The following FANCI variants were observed in gnomAD, a reference collection of about 807,000 sequenced individuals.
The protein encoded by FANCI is Fanconi anemia group I protein.
In FANCI, 156 loss-of-function variants were observed where a neutral mutation model predicts 176.1. The ratio of observed to expected loss-of-function variants is 0.89; its 90% CI spans 0.78 to 1.01. The LOEUF (loss-of-function observed/expected upper bound fraction) is 1.01. FANCI is among the 50% of genes least tolerant of loss of function. FANCI has a pLI of 0.00. For missense variants in FANCI, 1,678 were observed against 1,534.1 expected (o/e 1.09, Z -1.57); for synonymous variants, 613 against 541.7 (o/e 1.13, Z -1.83).
At chr15:89,295,584 C>A (rs925989520) in intron 24 of FANCI, among the ~76,000 whole-genome samples, 4 of 151,734 alleles carry the variant, frequency 2.6e-5, no homozygotes, top group African/African-American at 7.3e-5. Context: ...GAGAATTGCT[C>A]GAACCTGGGA....
chr15:89,261,676 T>C lies in FANCI; in HGVS notation c.380T>C (p.Leu127Ser). 6.2e-7 allele frequency: 1 copy of C among 1,614,182 alleles called. No individual in the cohort carries two copies. Among genetic ancestry groups the C allele is most frequent in the Non-Finnish European group, 8.5e-7 (1 of 1,180,020 alleles). Reference protein sequence around the residue: ...REGSLVNGKSLELLPIILTAL... With the variant: ...REGSLVNGKSSELLPIILTAL... ...GGCAGCCTAGTGAATGGAAAATCTT[T>C]GGAGTTACTACCTATCATTCTCACT... The change falls in exon 5 of 38, where the codon TTG (leucine) becomes TCG (serine). Residue 127 changes from leucine (L) to serine (S), a missense_variant. By Grantham distance (145) the Leu-to-Ser change is moderately radical. Around this residue, in one of 3 missense-constraint regions of FANCI, gnomAD observed 469 missense variants for 436.9 expected, o/e 1.07. Transcript: ENST00000310775.
intron 10 of FANCI, among the ~76,000 whole-genome samples, chr15:89,270,194 G>A (rs772467566): frequency 6.6e-6 from 1 of 152,126 alleles, no homozygotes; most frequent in Non-Finnish European, 1.5e-5. Context: ...CAGGTAGTGG[G>A]TTGGATTTGG....
At chr15:89,247,832 C>T (rs2052056595) in intron 2 of FANCI, 101 bp downstream of exon 2, 4 of 885,918 alleles carry the variant, frequency 4.5e-6, no homozygotes, top group South Asian at 2.7e-5. Context: ...TCTTCATCTA[C>T]TCCCCATTCA....
intron 14 of FANCI, among the ~76,000 whole-genome samples, chr15:89,279,786 A>G (rs1289820088): frequency 6.6e-6 from 1 of 151,638 alleles, no homozygotes; most frequent in Non-Finnish European, 1.5e-5. Context: ...TCTCCCTCAT[A>G]CTGTCATTGT....
intron 37 of FANCI, among the ~76,000 whole-genome samples, chr15:89,316,117 T>A (rs56189571): frequency 2.6e-5 from 4 of 152,344 alleles, no homozygotes; most frequent in Non-Finnish European, 4.4e-5. Context: ...TCATGTAGCA[T>A]TTTGATGTCA....
At chr15:89,306,277 T>G in intron 32 of FANCI, 83 bp downstream of exon 32, 1 of 1,374,104 alleles carries the variant, frequency 7.3e-7, no homozygotes, top group East Asian at 2.3e-5. Flanking sequence ...AGCCCACTGC[T>G]GCAGAATGCC....
intron 28 of FANCI, 76 bp downstream of exon 28, chr15:89,303,991 G>A (rs2054619160): frequency 1.4e-6 from 2 of 1,390,278 alleles, no homozygotes; most frequent in Admixed American, 3.4e-5. Flanking sequence ...AAAAGAAAAG[G>A]TATTCCCCAT....
In FANCI at chr15:89,285,363, A is replaced by G. The variant is rs971388535; in HGVS notation, c.1821+145A>G. 6.8e-6 allele frequency: 8 copies of G among 1,178,428 alleles called. No homozygotes were observed. The African/African-American group carries it at 1.2e-4, about 18-fold the overall frequency. The allele number at this position is 1,178,428 out of a possible 1,614,324, so 73.0% of individuals were successfully genotyped here. A position where few individuals can be genotyped will look rare whatever the true frequency, so the allele number is the denominator to read the frequency against. On this transcript the variant is annotated intron_variant, in intron 18 of 37. Transcript: ENST00000310775. ...AGTAGCTAGTGATGTTTAGTCAAAA[A>G]GTTGTTTAAGGCAGGGCACAGTGGC...
intron 11 of FANCI, 137 bp from the exon 12 acceptor site, chr15:89,274,031 T>C: frequency 1.5e-6 from 1 of 666,348 alleles, no homozygotes; most frequent in Non-Finnish European, 2.5e-6. Flanking sequence ...TGGCAGCTCA[T>C]AGGAACAGTT....
chr15:89,307,812 C>T (rs899121163), intron 34 of FANCI, 140 bp downstream of exon 34: 81 of 1,546,316 alleles, frequency 5.2e-5, no homozygotes, highest in Non-Finnish European at 6.7e-5. Flanking sequence ...CATCAGAGAC[C>T]AAGCCAAGGC....
chr15:89,268,495 A>G lies in FANCI; in HGVS notation c.852A>G (p.Glu284=). Reference sequence around the variant, plus strand: ...TGTTTGCCATCAAATTGGACTATGAACTAGGCAGAGAACTCGTGAAACACT... The same window carrying G: ...TGTTTGCCATCAAATTGGACTATGAGCTAGGCAGAGAACTCGTGAAACACT... ...HIVFAIKLDY[E]LGRELVKHLK... is the part of the protein sequence containing the mutation. The change falls in exon 10 of 38, where the codon GAA becomes GAG. Residue 284 remains glutamate (E), a synonymous_variant. Transcript: ENST00000310775. 6.2e-7 allele frequency: 1 copy of G among 1,614,192 alleles called. No homozygotes were observed. The highest frequency in any genetic ancestry group is 8.5e-7 in the Non-Finnish European group (1 of 1,180,024).
In FANCI at chr15:89,316,817, C is replaced by T. The variant is rs752513968; in HGVS notation, c.*358C>T. ...TGAGTTCAATTATCTGGTAAATATCCAGCGCTTCACCTGAAAGATAGTGCA... is the reference window on the plus strand; with the variant it reads ...TGAGTTCAATTATCTGGTAAATATCTAGCGCTTCACCTGAAAGATAGTGCA... On this transcript the variant is annotated 3_prime_UTR_variant, in exon 38 of 38. Transcript: ENST00000310775. The T allele has an allele frequency of 1.9e-6, 3 of 1,613,434 alleles. No individual in the cohort carries two copies. The highest frequency in any genetic ancestry group is 8.5e-7 in the Non-Finnish European group (1 of 1,179,424).
intron 10 of FANCI, among the ~76,000 whole-genome samples, chr15:89,271,071 C>T (rs2053181505): frequency 6.6e-6 from 1 of 151,990 alleles, no homozygotes; most frequent in African/African-American, 2.4e-5. Flanking sequence ...TTTTTGTTTT[C>T]CATTTGATTG....
intron 35 of FANCI, among the ~76,000 whole-genome samples, chr15:89,314,309 G>A (rs1375718512): frequency 6.6e-6 from 1 of 152,192 alleles, no homozygotes; most frequent in Non-Finnish European, 1.5e-5. Flanking sequence ...ATAGGCTTAA[G>A]AATTTCAAGT....
chr15:89,301,633 A>G (rs2054527563), intron 27 of FANCI, among the ~76,000 whole-genome samples, 191 bp downstream of exon 27: 1 of 152,206 alleles, frequency 6.6e-6, no homozygotes, highest in Admixed American at 6.5e-5. Context: ...ACCACAGCAT[A>G]CTTACATGCA....
intron 18 of FANCI, among the ~76,000 whole-genome samples, chr15:89,285,986 G>GTTTT (rs34746984): frequency 6.7e-6 from 1 of 149,672 alleles, no homozygotes. Flanking sequence ...TCCAAACTTA[G>GTTTT]TTTTTTTTTT....
chr15:89,276,515 C>T (rs1226155139), intron 12 of FANCI, among the ~76,000 whole-genome samples, 196 bp from the exon 13 acceptor site: 2 of 152,188 alleles, frequency 1.3e-5, no homozygotes, highest in Non-Finnish European at 1.5e-5. Flanking sequence ...TTGGAGACCA[C>T]TTGCCTGCTG....
Position 89,260,839 on chromosome 15 carries a change from T to C in FANCI, c.284T>C (p.Leu95Pro), listed in dbSNP as rs201553891. The C allele has an allele frequency of 2.5e-6, 4 of 1,613,618 alleles. No individual in the cohort carries two copies. The highest frequency in any genetic ancestry group is 1.7e-5 in the Admixed American group (1 of 59,990). ...IASEIIGLLM[L>P]EAHHFPGPLL... is the part of the protein sequence containing the mutation. ...TCTGAGATCATAGGATTACTGATGC[T>C]GGAGGTAAGATGGCAAACAAAAACT... Residue 95 changes from leucine to proline, a missense_variant, in exon 4 of 38, where the codon CTG (leucine) becomes CCG (proline). Transcript: ENST00000310775.
intron 24 of FANCI, among the ~76,000 whole-genome samples, chr15:89,296,819 A>C (rs1194524127): frequency 2.4e-5 from 3 of 126,312 alleles, no homozygotes; most frequent in African/African-American, 6.2e-5. Flanking sequence ...TGACCCCCCC[A>C]CCTCCCTCCC....
Sources: allele counts gnomAD v4.1 joint callset (sites outside exome capture counted in the v4.1 genomes callset), GRCh38; gene constraint gnomAD v4.1.1; regional missense constraint gnomAD v4.1.1; transcripts MANE v1.5; gene names NCBI Gene and HGNC (gene_info 2026-07-23, HGNC 2026-07-21).